PDE4D: variants seen among roughly 807,000 people sequenced by gnomAD.
The protein encoded by PDE4D is phosphodiesterase 4D.
Under a neutral mutation model 87.4 loss-of-function variants are expected in PDE4D, and 24 were observed. That is an observed-to-expected ratio of 0.27 (90% CI 0.20 to 0.39). PDE4D has a LOEUF of 0.39. Ranked by LOEUF, PDE4D falls within the 10% of genes least tolerant of loss-of-function variation. The pLI is 1.00. For synonymous variants in PDE4D, 384 were observed against 383.2 expected, an observed-to-expected ratio of 1.00 and a Z score of -0.02; for missense variants, 714 against 1,041.0, an observed-to-expected ratio of 0.69 and a Z score of 4.32.
intron 1 of PDE4D, among the ~76,000 whole-genome samples, chr5:59,473,105 A>G (rs1802727234): frequency 6.9e-6 from 1 of 144,044 alleles, no homozygotes; most frequent in African/African-American, 2.6e-5. Context: ...AAAAAAAAAG[A>G]GAAAATATGG....
At chr5:59,208,151 A>C (rs948516566) in intron 2 of PDE4D, among the ~76,000 whole-genome samples, 5 of 152,178 alleles carry the variant, frequency 3.3e-5, no homozygotes, top group Admixed American at 6.5e-5. Flanking sequence ...TGCGCAACAG[A>C]GTGAGACTCT....
At chr5:59,731,796 C>A (rs1399914062) in intron 1 of PDE4D, among the ~76,000 whole-genome samples, 1 of 152,126 alleles carries the variant, frequency 6.6e-6, no homozygotes, top group Non-Finnish European at 1.5e-5. Flanking sequence ...TAAATATACA[C>A]AAATTATCTA....
intron 1 of PDE4D, among the ~76,000 whole-genome samples, chr5:59,412,318 A>G (rs1244557477): frequency 6.6e-6 from 1 of 152,200 alleles, no homozygotes; most frequent in Admixed American, 6.5e-5. Context: ...TCTTGTCACC[A>G]TTTCATTTCA....
intron 1 of PDE4D, among the ~76,000 whole-genome samples, chr5:59,765,343 T>A (rs1350233953): frequency 6.6e-6 from 1 of 152,218 alleles, no homozygotes; most frequent in Non-Finnish European, 1.5e-5. Flanking sequence ...ATTACAGATG[T>A]TATTCTAAGA....
chr5:60,468,463 T>C (rs1215089658), intron 1 of PDE4D, among the ~76,000 whole-genome samples: 1 of 151,720 alleles, frequency 6.6e-6, no homozygotes, highest in Admixed American at 6.6e-5. Context: ...TCAAGCCCTT[T>C]CAGATTCTCA....
At chr5:58,984,040 C>T (rs1393687615) in intron 11 of PDE4D, among the ~76,000 whole-genome samples, 1 of 150,470 alleles carries the variant, frequency 6.6e-6, no homozygotes, top group Non-Finnish European at 1.5e-5. Flanking sequence ...GTAAGACTTA[C>T]ACTCACTGTT....
intron 1 of PDE4D, among the ~76,000 whole-genome samples, chr5:60,292,373 C>A (rs996791791): frequency 3.3e-5 from 5 of 152,114 alleles, no homozygotes; most frequent in Admixed American, 3.3e-4. Context: ...CCAAACATTT[C>A]GAGACATCAA....
intron 1 of PDE4D, among the ~76,000 whole-genome samples, chr5:60,432,341 C>A (rs1744414025): frequency 6.6e-6 from 1 of 152,130 alleles, no homozygotes; most frequent in Non-Finnish European, 1.5e-5. Flanking sequence ...ACCAGCTCTA[C>A]TTTATATGTC....
chr5:59,086,200 C>T (rs1035614809), intron 5 of PDE4D, among the ~76,000 whole-genome samples: 1 of 152,122 alleles, frequency 6.6e-6, no homozygotes, highest in Non-Finnish European at 1.5e-5. Flanking sequence ...CTATGCTTTC[C>T]ACCCTATGCT....
chr5:59,912,511 A>G (rs1753560431), intron 3 of PDE4D, among the ~76,000 whole-genome samples: 1 of 152,210 alleles, frequency 6.6e-6, no homozygotes, highest in Non-Finnish European at 1.5e-5. Flanking sequence ...GGCAATGTCA[A>G]AAACAACTGG....
intron 1 of PDE4D, among the ~76,000 whole-genome samples, chr5:59,699,929 C>T (rs983900758): frequency 6.6e-6 from 1 of 152,168 alleles, no homozygotes; most frequent in African/African-American, 2.4e-5. Context: ...ATCTTAATAG[C>T]TTCATTTGCA....
intron 5 of PDE4D, among the ~76,000 whole-genome samples, chr5:59,118,096 A>C (rs1773910183): frequency 6.6e-6 from 1 of 152,192 alleles, no homozygotes; most frequent in African/African-American, 2.4e-5. Flanking sequence ...TGCCCGGCAC[A>C]GTGTGTGGTA....
intron 1 of PDE4D, among the ~76,000 whole-genome samples, chr5:59,817,819 A>T (rs1561710036): frequency 1.3e-5 from 2 of 150,056 alleles, no homozygotes; most frequent in Non-Finnish European, 3.0e-5. Flanking sequence ...CCAAGAAGAG[A>T]CCCATAACCA....
chr5:60,074,942 ATTC>A (rs1229562725), intron 2 of PDE4D, among the ~76,000 whole-genome samples: 3 of 152,082 alleles, frequency 2.0e-5, no homozygotes, highest in East Asian at 1.9e-4. Flanking sequence ...CCATTGGGTC[ATTC>A]TTCTTTATTT....
At chr5:59,530,735 C>T (rs1196933984) in intron 1 of PDE4D, among the ~76,000 whole-genome samples, 1 of 152,172 alleles carries the variant, frequency 6.6e-6, no homozygotes, top group Non-Finnish European at 1.5e-5. Context: ...AATTAACTCT[C>T]ATTTTGTTTT....
chr5:60,373,144 C>A (rs565031835), intron 1 of PDE4D, among the ~76,000 whole-genome samples: 5 of 152,204 alleles, frequency 3.3e-5, no homozygotes, highest in African/African-American at 1.2e-4. Flanking sequence ...TGGTGGCCCA[C>A]GGGCCATACC....
At chr5:59,777,870 C>A (rs909906753) in intron 1 of PDE4D, among the ~76,000 whole-genome samples, 18 of 151,992 alleles carry the variant, frequency 1.2e-4, no homozygotes, top group African/African-American at 3.9e-4. Flanking sequence ...ATTCTAGAAG[C>A]AAACTTTGCT....
intron 2 of PDE4D, among the ~76,000 whole-genome samples, chr5:60,133,792 T>A (rs1196178871): frequency 6.6e-6 from 1 of 152,202 alleles, no homozygotes; most frequent in Non-Finnish European, 1.5e-5. Context: ...TAAAATGAGC[T>A]TAAATCTGAC....
At chr5:60,421,625 G>T (rs1743108766) in intron 1 of PDE4D, among the ~76,000 whole-genome samples, 1 of 152,202 alleles carries the variant, frequency 6.6e-6, no homozygotes, top group East Asian at 1.9e-4. Flanking sequence ...AAAAACCAGA[G>T]TGCCTCTTCT....
Sources: allele counts gnomAD v4.1 joint callset (sites outside exome capture counted in the v4.1 genomes callset), GRCh38; gene constraint gnomAD v4.1.1; transcripts MANE v1.5; gene names NCBI Gene and HGNC (gene_info 2026-07-23, HGNC 2026-07-21).